Variants in L3MBTL4 observed in about 807,000 individuals in gnomAD.
L3MBTL4 encodes the protein lethal(3)malignant brain tumor-like protein 4.
Under a neutral mutation model 84.5 loss-of-function variants are expected in L3MBTL4, and 70 were observed. The ratio of observed to expected loss-of-function variants is 0.83; its 90% CI spans 0.68 to 1.01. The LOEUF is 1.01. L3MBTL4 is among the 50% of genes least tolerant of loss of function. L3MBTL4 has a pLI of 0.00. For missense variants in L3MBTL4, 715 were observed against 754.8 expected (o/e 0.95, Z 0.62); for synonymous variants, 274 against 259.8 (o/e 1.05, Z -0.52).
At chr18:6,393,062 C>G (rs905463438) in intron 1 of L3MBTL4, among the ~76,000 whole-genome samples, 18 of 139,420 alleles carry the variant, frequency 1.3e-4, no homozygotes, top group African/African-American at 4.8e-4. Context: ...ACTTGTAACC[C>G]AAAAGTGATT....
At chr18:6,398,147 A>T (rs1260308574) in intron 1 of L3MBTL4, 1 of 152,288 alleles carries the variant, frequency 6.6e-6, no homozygotes, top group African/African-American at 2.4e-5. Context: ...ACTGCACTCC[A>T]GCCTGGGCGG....
chr18:6,345,475 C>G (rs924277547), intron 1 of L3MBTL4, among the ~76,000 whole-genome samples: 2 of 151,718 alleles, frequency 1.3e-5, no homozygotes, highest in Admixed American at 1.3e-4. Flanking sequence ...TTTAAAAATT[C>G]GGTAAATTTG....
At position 6,293,318 on chromosome 18, in the gene L3MBTL4, G is replaced by C. The variant is rs2049950318; in HGVS notation, c.127+8585C>G. Among the ~76,000 whole-genome samples, 5 of 152,084 alleles carry C rather than the reference G, an allele frequency of 3.3e-5. No individual in the cohort carries two copies. In the South Asian group the frequency reaches 1.0e-3, roughly 32 times the overall value. The stretch of plus-strand genomic sequence containing the variant: ...AGAAATGACTGATTCAACGTCTGGG[G>C]CAAGGAGAGTTCAAGATAAGCCTAA... On this transcript the variant is annotated intron_variant, in intron 4 of 18. Transcript: ENST00000317931.
intron 16 of L3MBTL4, among the ~76,000 whole-genome samples, chr18:6,055,888 T>C (rs1332186751): frequency 1.3e-5 from 2 of 152,096 alleles, no homozygotes; most frequent in Admixed American, 1.3e-4. Context: ...CTCAGCCTCT[T>C]CTCTGTATAA....
chr18:6,179,983 G>C (rs78907893), intron 12 of L3MBTL4, among the ~76,000 whole-genome samples: 3,726 of 152,238 alleles, frequency 0.024, 161 homozygotes, highest in African/African-American at 0.083. Flanking sequence ...TTTAATAGAT[G>C]ATTAATAGGG....
chr18:6,357,643 A>G (rs1005024882), intron 1 of L3MBTL4, among the ~76,000 whole-genome samples: 2 of 152,176 alleles, frequency 1.3e-5, no homozygotes, highest in Admixed American at 6.5e-5. Flanking sequence ...ATTCCCCTCC[A>G]TGACTGGGGC....
chr18:5,964,510 C>T (rs1206305849), intron 17 of L3MBTL4, among the ~76,000 whole-genome samples: 1 of 149,480 alleles, frequency 6.7e-6, no homozygotes. Flanking sequence ...GTTTATTTGC[C>T]TTTTTTTTTT....
intron 1 of L3MBTL4, among the ~76,000 whole-genome samples, chr18:6,413,729 C>A (rs1306178301): frequency 6.6e-6 from 1 of 152,138 alleles, no homozygotes; most frequent in Non-Finnish European, 1.5e-5. Flanking sequence ...GAAGTGAGAG[C>A]GAGTCTTCAG....
chr18:6,227,958 T>A (rs1400076680), intron 10 of L3MBTL4, among the ~76,000 whole-genome samples: 4 of 152,184 alleles, frequency 2.6e-5, no homozygotes, highest in Non-Finnish European at 4.4e-5. Flanking sequence ...TGAGCCATCA[T>A]GCCAGGACAA....
rs141416926 is a variant in L3MBTL4, at chr18:6,287,711, G to A, written c.127+14192C>T. ...TGGTAGGCTAACTCTTAGCTTGTGG[G>A]CCTCCTGATATCATTTAGTCACATT... On this transcript the variant is annotated intron_variant, in intron 4 of 18. Coordinates refer to ENST00000317931, the MANE Select transcript of L3MBTL4 (RefSeq NM_001330559.2). Among the ~76,000 whole-genome samples, 33 of 152,264 alleles carry A rather than the reference G, an allele frequency of 2.2e-4. 1 individual carries two copies. In the East Asian group the frequency reaches 3.1e-3, roughly 14 times the overall value.
chr18:6,024,646 A>G (rs1436715926), intron 16 of L3MBTL4, among the ~76,000 whole-genome samples: 1 of 152,176 alleles, frequency 6.6e-6, no homozygotes, highest in South Asian at 2.1e-4. Context: ...GGTCATACTC[A>G]TTTTTCCAAA....
At chr18:6,209,339 G>A (rs1458773232) in intron 12 of L3MBTL4, among the ~76,000 whole-genome samples, 2 of 150,784 alleles carry the variant, frequency 1.3e-5, no homozygotes, top group African/African-American at 4.9e-5. Context: ...ACTGGGCAAG[G>A]TATTTCATCC....
chr18:6,026,026 T>C (rs974317504), intron 16 of L3MBTL4, among the ~76,000 whole-genome samples: 2 of 152,244 alleles, frequency 1.3e-5, no homozygotes, highest in African/African-American at 4.8e-5. Flanking sequence ...CATTATCACT[T>C]AAACTACGTC....
rs2147115370 is a variant in L3MBTL4, at chr18:6,327,078, C to A, written c.-90-15022G>T. Among the ~76,000 whole-genome samples, 3 of 152,282 alleles carry A rather than the reference C, an allele frequency of 2.0e-5. No homozygotes were observed. In the South Asian group the frequency reaches 6.2e-4, roughly 32 times the overall value. ...GGAAATGCGTATTAAATATAAGTAT[C>A]CTCTTCTACCCAGGAAAATGACTGG... On this transcript the variant is annotated intron_variant, in intron 1 of 18. Coordinates refer to ENST00000317931, the MANE Select transcript of L3MBTL4 (RefSeq NM_001330559.2).
intron 12 of L3MBTL4, among the ~76,000 whole-genome samples, chr18:6,193,384 A>C (rs376907100): frequency 1.4e-4 from 21 of 152,318 alleles, no homozygotes; most frequent in African/African-American, 5.1e-4. Context: ...AGAGGGCTTT[A>C]GGGAGGGAAA....
At chr18:6,022,811 G>A (rs949721464) in intron 16 of L3MBTL4, among the ~76,000 whole-genome samples, 2 of 152,182 alleles carry the variant, frequency 1.3e-5, no homozygotes, top group East Asian at 3.8e-4. Flanking sequence ...TTACTTTTAT[G>A]TATCAAGAAG....
chr18:6,388,186 GCAAGTAC>G (rs1190436763), intron 1 of L3MBTL4, among the ~76,000 whole-genome samples: 2 of 152,104 alleles, frequency 1.3e-5, no homozygotes, highest in African/African-American at 4.8e-5. Flanking sequence ...ATAAAAAAAT[GCAAGTAC>G]CAACAATCCA....
intron 4 of L3MBTL4, among the ~76,000 whole-genome samples, chr18:6,290,541 T>C (rs2049813611): frequency 6.6e-6 from 1 of 152,010 alleles, no homozygotes; most frequent in African/African-American, 2.4e-5. Flanking sequence ...TTTTTTTAAT[T>C]TTTTGAGACA....
In L3MBTL4 at chr18:6,171,929, C is replaced by A; in HGVS notation, c.995G>T (p.Gly332Val). 6.5e-7 allele frequency: 1 copy of A among 1,544,932 alleles called. No homozygotes were observed. The highest frequency in any genetic ancestry group is 8.8e-7 in the Non-Finnish European group (1 of 1,140,554). Reference protein sequence around the residue: ...DDQRVKVHFDGWDHKYDYWVE... With the variant: ...DDQRVKVHFDVWDHKYDYWVE... ...CCAGTAGTCATACTTATGGTCCCAA[C>A]CATCAAAATGAACCTGTTAAAACGA... The change falls in exon 13 of 19, where the codon GGT becomes GTT. Residue 332 changes from glycine to valine, a missense_variant. Transcript: ENST00000317931.
Sources: allele counts gnomAD v4.1 joint callset (sites outside exome capture counted in the v4.1 genomes callset), GRCh38; gene constraint gnomAD v4.1.1; transcripts MANE v1.5; gene names NCBI Gene and HGNC (gene_info 2026-07-23, HGNC 2026-07-21).